EXD1: variants seen among roughly 807,000 people sequenced by gnomAD.
EXD1 encodes piRNA biogenesis protein EXD1.
Under a neutral mutation model 49.1 loss-of-function variants are expected in EXD1, and 63 were observed. That is an observed-to-expected ratio of 1.28 (90% CI 1.05 to 1.58). The LOEUF is 1.58. Ranked by LOEUF, EXD1 falls within the 40% of genes most tolerant of loss-of-function variation. The probability of loss-of-function intolerance (pLI) is 0.00; values close to 1 mark genes in which losing one functional copy is unlikely to be tolerated. For synonymous variants in EXD1, 234 were observed against 239.2 expected (o/e 0.98, Z 0.20); for missense variants, 748 against 666.0 (o/e 1.12, Z -1.36).
chr15:41,209,459 C>G lies in EXD1; in HGVS notation c.534+42G>C, dbSNP rs2046886055. 1.9e-6 allele frequency: 3 copies of G among 1,566,938 alleles called. No individual in the cohort carries two copies. In the East Asian group the frequency reaches 6.7e-5, roughly 35 times the overall value. On this transcript the variant is annotated intron_variant, in intron 7 of 11. Transcript: ENST00000458580. ...GAAAGAAAAAAATCTACCAGTGGCT[C>G]TATAATTACTTCAAAATAAAAAGTT... is the stretch of plus-strand genomic sequence containing the variant.
chr15:41,217,261 G>A, intron 3 of EXD1, 107 bp from the exon 4 acceptor site: 1 of 888,234 alleles, frequency 1.1e-6, no homozygotes, highest in Non-Finnish European at 1.8e-6. Flanking sequence ...AACAATAATT[G>A]GAAATGACAT....
intron 6 of EXD1, among the ~76,000 whole-genome samples, chr15:41,211,103 A>C (rs2046915222): frequency 1.3e-5 from 2 of 152,122 alleles, no homozygotes; most frequent in African/African-American, 4.8e-5. Flanking sequence ...AGACAGTCTC[A>C]TGCTGTCCTC....
At chr15:41,226,036 AG>A (rs1365922826) in intron 2 of EXD1, among the ~76,000 whole-genome samples, 1 of 152,130 alleles carries the variant, frequency 6.6e-6, no homozygotes, top group East Asian at 1.9e-4. Flanking sequence ...GCGGATCACG[AG>A]GTCAGGAGAT....
chr15:41,184,855 A>T (rs1463094849), intron 11 of EXD1, among the ~76,000 whole-genome samples: 2 of 151,896 alleles, frequency 1.3e-5, no homozygotes, highest in Non-Finnish European at 2.9e-5. Context: ...ACAGAGTTTC[A>T]CTGCGTTAGC....
intron 6 of EXD1, among the ~76,000 whole-genome samples, chr15:41,211,819 G>A (rs904247857): frequency 3.3e-5 from 4 of 122,682 alleles, no homozygotes; most frequent in Admixed American, 2.3e-4. Flanking sequence ...AAAAAGAGCT[G>A]GGCATGGTGG....
rs1282541541 is a variant in EXD1, at chr15:41,219,921, C to A, written c.134-23G>T. 3.3e-6 allele frequency: 5 copies of A among 1,518,914 alleles called. No individual in the cohort carries two copies. The African/African-American group carries it at 6.9e-5, about 21-fold the overall frequency. The allele number at this position is 1,518,914 out of a possible 1,614,324, so 94.1% of individuals were successfully genotyped here. Reference sequence around the variant, plus strand: ...TCACTGTTACAGAAAACAATTCATTCAGTTAATTAAAATATTTTCCTAAAA... The same window carrying A: ...TCACTGTTACAGAAAACAATTCATTAAGTTAATTAAAATATTTTCCTAAAA... On this transcript the variant is annotated intron_variant, in intron 2 of 11. Coordinates refer to ENST00000458580, the MANE Select transcript of EXD1 (RefSeq NM_001286441.2).
intron 7 of EXD1, among the ~76,000 whole-genome samples, chr15:41,205,266 A>G (rs1374677980): frequency 6.6e-6 from 1 of 152,180 alleles, no homozygotes; most frequent in African/African-American, 2.4e-5. Flanking sequence ...CTGCATTGGA[A>G]CAGGAGGGTA....
intron 6 of EXD1, among the ~76,000 whole-genome samples, chr15:41,215,237 T>A (rs993914923): frequency 6.6e-6 from 1 of 152,234 alleles, no homozygotes; most frequent in African/African-American, 2.4e-5. Flanking sequence ...CACTTGTTTA[T>A]TGTCTTGCAT....
At position 41,183,549 on chromosome 15, in the gene EXD1, GTT is replaced by G. The variant is rs1433453708; in HGVS notation, c.*380_*381del. On this transcript the variant is annotated 3_prime_UTR_variant, in exon 12 of 12. Transcript: ENST00000458580. ...CAATTTTTTAAATGAATTGTTAATA[GTT>G]TTACCAGGTCTCTTCAAAGGAATCC... 1 of 161,876 alleles carries G rather than the reference GTT, an allele frequency of 6.2e-6. No homozygotes were observed. The highest frequency in any genetic ancestry group is 2.4e-5 in the African/African-American group (1 of 41,838). The allele number at this position is 161,876 out of a possible 1,614,324, so 10.0% of individuals were successfully genotyped here.
chr15:41,214,873 G>A (rs189493957), intron 6 of EXD1, among the ~76,000 whole-genome samples: 3 of 152,234 alleles, frequency 2.0e-5, no homozygotes, highest in African/African-American at 7.2e-5. Context: ...AGCCTGGTGA[G>A]TAGCTGGGAC....
Position 41,184,067 on chromosome 15 carries a change from G to A in EXD1, c.1583C>T (p.Ser528Phe). 6.2e-7 allele frequency: 1 copy of A among 1,614,186 alleles called. No homozygotes were observed. Among genetic ancestry groups the A allele is most frequent in the Non-Finnish European group, 8.5e-7 (1 of 1,180,028 alleles). The change falls in exon 12 of 12, where the codon TCC becomes TTC. Residue 528 changes from serine (S) to phenylalanine (F), a missense_variant. Transcript: ENST00000458580. ...AGACACTCTGGTTTCCTGAGGAAAGGAAGACATTGAAACAGCCTGTTTTGT... is the reference window on the plus strand; with the variant it reads ...AGACACTCTGGTTTCCTGAGGAAAGAAAGACATTGAAACAGCCTGTTTTGT... ...KCTKQAVSMSSFPQETRVSPS... is the reference protein window; with the variant it reads ...KCTKQAVSMSFFPQETRVSPS...
chr15:41,216,951 C>A, intron 4 of EXD1, 146 bp downstream of exon 4: 1 of 1,310,608 alleles, frequency 7.6e-7, no homozygotes, highest in Non-Finnish European at 1.0e-6. Flanking sequence ...CGCTATCTAA[C>A]AATGGAAGAA....
rs1167336132 is a variant in EXD1 at position 41,202,917 on chromosome 15, C to CAA, written c.534+6582_534+6583dup. On this transcript the variant is annotated intron_variant, in intron 7 of 11. Coordinates refer to ENST00000458580, the MANE Select transcript of EXD1 (RefSeq NM_001286441.2). ...TAGGTGACAGAGCAAGACTCTGTCT[C>CAA]AAAAAAAAAAAAAAAAAAGCGAACC... Among the ~76,000 whole-genome samples, 83 of 89,442 alleles carry CAA rather than the reference C, an allele frequency of 9.3e-4. 1 individual carries two copies. The highest frequency in any genetic ancestry group is 3.1e-3 in the African/African-American group (75 of 24,476). 58.7% of individuals were successfully genotyped at this position (89,442 alleles called of 152,430 possible).
At chr15:41,187,752 C>T (rs557603785) in intron 11 of EXD1, among the ~76,000 whole-genome samples, 10 of 152,042 alleles carry the variant, frequency 6.6e-5, no homozygotes, top group East Asian at 5.8e-4. Flanking sequence ...CAGTGGCTCA[C>T]GCCTTGTAAA....
Position 41,191,365 on chromosome 15 carries a change from T to C in EXD1, c.864+77A>G, listed in dbSNP as rs946879244. 12 of 1,363,756 alleles carry C rather than the reference T, an allele frequency of 8.8e-6. No homozygotes were observed. In the African/African-American group the frequency reaches 1.8e-4, roughly 20 times the overall value. 84.5% of individuals were successfully genotyped at this position (1,363,756 alleles called of 1,614,324 possible). The stretch of plus-strand genomic sequence containing the variant: ...GATAACATGGCAGCTGTCATTTTTC[T>C]ACATAACAGGCTGATAATACTGCTC... On this transcript the variant is annotated intron_variant, in intron 10 of 11. Transcript: ENST00000458580.
chr15:41,194,931 T>C (rs766621359), intron 9 of EXD1, among the ~76,000 whole-genome samples: 11 of 152,170 alleles, frequency 7.2e-5, no homozygotes, highest in Non-Finnish European at 1.5e-4. Context: ...CTTTTAGAGA[T>C]TGCTGCTCAA....
At chr15:41,192,314 C>A in intron 9 of EXD1, 1 of 152,212 alleles carries the variant, frequency 6.6e-6, no homozygotes. Flanking sequence ...TTTTCTTTTC[C>A]TGAGGCAGTC....
chr15:41,189,152 A>T (rs2046464591), intron 11 of EXD1, among the ~76,000 whole-genome samples: 1 of 151,644 alleles, frequency 6.6e-6, no homozygotes, highest in Admixed American at 6.6e-5. Flanking sequence ...CTCATCACCT[A>T]AGGTCAGGAA....
In EXD1 at chr15:41,226,553, T is replaced by C. The variant is rs1470016304; in HGVS notation, c.23A>G (p.His8Arg). 5.9e-6 allele frequency: 9 copies of C among 1,536,024 alleles called. No homozygotes were observed. Among genetic ancestry groups the C allele is most frequent in the African/African-American group, 1.4e-5 (1 of 73,144 alleles). The part of the protein sequence containing the change: MDPSSDY[H>R]FLSQILWKRV... ...CTTCCACAAAATCTGGCTGAGGAAATGGTAGTCACTGCTGGGGTCCATGCT... is the reference window on the plus strand; with the variant it reads ...CTTCCACAAAATCTGGCTGAGGAAACGGTAGTCACTGCTGGGGTCCATGCT... The change falls in exon 2 of 12, where the codon CAT (histidine) becomes CGT (arginine). Residue 8 changes from histidine to arginine, a missense_variant. By Grantham distance (29) the His-to-Arg change is conservative (BLOSUM62 0). Transcript: ENST00000458580.
Sources: gnomAD v4.1 joint callset for allele counts (sites outside exome capture counted in the v4.1 genomes callset) on GRCh38, gnomAD v4.1.1 for gene constraint, MANE v1.5 for transcripts, NCBI Gene and HGNC (gene_info 2026-07-23, HGNC 2026-07-21) for gene names.